The following SIPA1L1 variants were observed in gnomAD, a reference collection of about 807,000 sequenced individuals.
SIPA1L1 encodes the protein signal-induced proliferation-associated 1-like protein 1.
A neutral mutation model predicts 162.7 loss-of-function variants in SIPA1L1; 26 were observed. The ratio of observed to expected loss-of-function variants is 0.16; its 90% CI spans 0.12 to 0.22. SIPA1L1 has a LOEUF of 0.22. Among genes scored for constraint, SIPA1L1 ranks in the 10% least tolerant of loss-of-function variants. The pLI is 1.00. For missense variants in SIPA1L1, 1,874 were observed against 2,241.0 expected (o/e 0.84, Z 3.31); for synonymous variants, 829 against 837.4 (o/e 0.99, Z 0.17).
chr14:71,435,556 T>A (rs1173759348), intron 2 of SIPA1L1, among the ~76,000 whole-genome samples: 1 of 152,234 alleles, frequency 6.6e-6, no homozygotes, highest in Non-Finnish European at 1.5e-5. Flanking sequence ...GTGCCACATT[T>A]TCTTAATCCA....
intron 4 of SIPA1L1, among the ~76,000 whole-genome samples, chr14:71,531,405 C>T (rs771249448): frequency 1.3e-4 from 20 of 151,940 alleles, no homozygotes; most frequent in Non-Finnish European, 2.1e-4. Context: ...TGTCAGGTTG[C>T]ACCTCGAAAT....
intron 2 of SIPA1L1, among the ~76,000 whole-genome samples, chr14:71,397,850 A>G (rs1016831219): frequency 6.6e-6 from 1 of 152,146 alleles, no homozygotes; most frequent in African/African-American, 2.4e-5. Context: ...TTGTTTGTAC[A>G]TCTTATGTAA....
At chr14:71,440,803 ATTGAC>A (rs1337289723) in intron 2 of SIPA1L1, among the ~76,000 whole-genome samples, 1 of 152,042 alleles carries the variant, frequency 6.6e-6, no homozygotes, top group East Asian at 1.9e-4. Flanking sequence ...TTAGGTTGGA[ATTGAC>A]TTGTCTAGGA....
intron 2 of SIPA1L1, among the ~76,000 whole-genome samples, chr14:71,363,637 A>G (rs985072396): frequency 6.6e-6 from 1 of 152,224 alleles, no homozygotes; most frequent in Non-Finnish European, 1.5e-5. Flanking sequence ...AATGATTGTC[A>G]TCTTTTGAAG....
At position 71,624,056 on chromosome 14, in the gene SIPA1L1, A is replaced by C. The variant is rs1322398382; in HGVS notation, c.1638A>C (p.Thr546=). Residue 546 remains threonine, a synonymous_variant, in exon 7 of 24, where the codon ACA becomes ACC. Transcript: ENST00000381232. The stretch of plus-strand genomic sequence containing the variant: ...ACCTGTCTCTCTTGCAGCTCATGAC[A>C]CTGAGAGGTTCGGTCCTGGAGGACG... ...RIIFRTSELM[T]LRGSVLEDAI... The C allele has an allele frequency of 6.2e-7, 1 of 1,604,822 alleles. No homozygotes were observed. The highest frequency in any genetic ancestry group is 8.5e-7 in the Non-Finnish European group (1 of 1,174,984).
intron 3 of SIPA1L1, among the ~76,000 whole-genome samples, chr14:71,527,766 A>T (rs1292607277): frequency 6.6e-6 from 1 of 152,200 alleles, no homozygotes; most frequent in Non-Finnish European, 1.5e-5. Context: ...TACTACCTGG[A>T]AACTTAATTG....
At chr14:71,625,738 C>A (rs955523067) in intron 7 of SIPA1L1, among the ~76,000 whole-genome samples, 4 of 152,178 alleles carry the variant, frequency 2.6e-5, no homozygotes, top group African/African-American at 9.6e-5. Context: ...GTCATTTCTA[C>A]TACTGTGTTT....
intron 5 of SIPA1L1, among the ~76,000 whole-genome samples, chr14:71,595,558 T>C (rs2035934715): frequency 6.6e-6 from 1 of 152,240 alleles, no homozygotes; most frequent in African/African-American, 2.4e-5. Context: ...ATATCCTGTA[T>C]CATTAATGAC....
chr14:71,467,558 G>C (rs978217711), intron 2 of SIPA1L1, among the ~76,000 whole-genome samples: 2 of 152,058 alleles, frequency 1.3e-5, no homozygotes, highest in African/African-American at 4.8e-5. Flanking sequence ...ACGTAATTGT[G>C]GTTTGCATTG....
chr14:71,704,304 TTCTC>T lies in SIPA1L1; in HGVS notation c.3647-916_3647-913del, dbSNP rs913608662. On this transcript the variant is annotated intron_variant, in intron 15 of 23. Transcript: ENST00000381232. ...TATTGAGTATATAATGGGCTGACCATTCTCTACTCAGTTTATAAGAACAGCATTC... is the reference window on the plus strand; with the variant it reads ...TATTGAGTATATAATGGGCTGACCATTACTCAGTTTATAAGAACAGCATTC... Among the ~76,000 whole-genome samples, 120 of 152,318 alleles carry T rather than the reference TTCTC, an allele frequency of 7.9e-4. 1 individual carries two copies. The highest frequency in any genetic ancestry group is 2.8e-3 in the African/African-American group (117 of 41,568).
chr14:71,452,252 A>G (rs2045886803), intron 2 of SIPA1L1, among the ~76,000 whole-genome samples: 1 of 151,728 alleles, frequency 6.6e-6, no homozygotes, highest in Non-Finnish European at 1.5e-5. Context: ...ATGTCACCAT[A>G]GTTTTGTTTT....
At chr14:71,539,527 G>A (rs2054196027) in intron 4 of SIPA1L1, among the ~76,000 whole-genome samples, 1 of 152,206 alleles carries the variant, frequency 6.6e-6, no homozygotes, top group Non-Finnish European at 1.5e-5. Context: ...TGCCCTTTAT[G>A]TATGGCAGTA....
At chr14:71,723,614 A>C in intron 17 of SIPA1L1, 33 bp from the exon 18 acceptor site, 1 of 1,611,824 alleles carries the variant, frequency 6.2e-7, no homozygotes, top group East Asian at 2.2e-5. Context: ...AATGATCCTG[A>C]GATACACATG....
At chr14:71,399,172 T>G (rs2041466198) in intron 2 of SIPA1L1, among the ~76,000 whole-genome samples, 1 of 152,250 alleles carries the variant, frequency 6.6e-6, no homozygotes, top group Non-Finnish European at 1.5e-5. Flanking sequence ...CAAGTCCTGT[T>G]TCAGCTGTGA....
chr14:71,395,521 G>A (rs375776554), intron 2 of SIPA1L1, among the ~76,000 whole-genome samples: 62 of 152,266 alleles, frequency 4.1e-4, no homozygotes, highest in Non-Finnish European at 7.6e-4. Flanking sequence ...CAATTAGCTG[G>A]GCGCAGTAGG....
intron 5 of SIPA1L1, among the ~76,000 whole-genome samples, chr14:71,616,196 T>G (rs1339520575): frequency 1.3e-5 from 2 of 151,922 alleles, no homozygotes; most frequent in Admixed American, 1.3e-4. Context: ...CAGAAGAGGG[T>G]GATGTCATAG....
chr14:71,343,407 A>G lies in SIPA1L1; in HGVS notation c.-465+22226A>G, dbSNP rs202072807. Among the ~76,000 whole-genome samples, 4 of 152,318 alleles carry G rather than the reference A, an allele frequency of 2.6e-5. No individual in the cohort carries two copies. The East Asian group carries it at 7.7e-4, about 29-fold the overall frequency. On this transcript the variant is annotated intron_variant, in intron 2 of 23. Transcript: ENST00000381232. ...TTCTGTTCTCAGGATGCTTCCAGCT[A>G]GTTGGGAATTCAGGAAGAATAGAGA...
chr14:71,350,764 A>G (rs1041035890), intron 2 of SIPA1L1, among the ~76,000 whole-genome samples: 4 of 152,242 alleles, frequency 2.6e-5, no homozygotes, highest in Non-Finnish European at 5.9e-5. Context: ...CTTTAAAGAT[A>G]GATTCTGAAA....
chr14:71,357,132 G>A (rs1218834351), intron 2 of SIPA1L1, among the ~76,000 whole-genome samples: 1 of 152,146 alleles, frequency 6.6e-6, no homozygotes, highest in Admixed American at 6.5e-5. Flanking sequence ...GTAGCTCACA[G>A]CAGTCTCAAA....
Sources: gnomAD v4.1 joint callset for allele counts (sites outside exome capture counted in the v4.1 genomes callset) on GRCh38, gnomAD v4.1.1 for gene constraint, MANE v1.5 for transcripts, NCBI Gene and HGNC (gene_info 2026-07-23, HGNC 2026-07-21) for gene names.